Variants in DPP6 observed in about 807,000 individuals in gnomAD.
DPP6 encodes the protein A-type potassium channel modulatory protein DPP6.
A neutral mutation model predicts 122.6 loss-of-function variants in DPP6; 69 were observed. The observed-to-expected ratio is 0.56, with a 90% CI of 0.46 to 0.69. The LOEUF (loss-of-function observed/expected upper bound fraction) is 0.69. DPP6 is among the 30% of genes least tolerant of loss of function. The pLI is 0.00. For synonymous variants in DPP6, 418 were observed against 433.1 expected (o/e 0.97, Z 0.43); for missense variants, 928 against 1,116.9 (o/e 0.83, Z 2.41).
intron 16 of DPP6, among the ~76,000 whole-genome samples, chr7:154,829,154 A>T (rs1018109628): frequency 2.6e-5 from 4 of 151,954 alleles, no homozygotes; most frequent in African/African-American, 9.7e-5. Flanking sequence ...AGGCCGAGGC[A>T]GGTGGATCGC....
At chr7:154,201,253 G>A (rs1244687116) in intron 1 of DPP6, among the ~76,000 whole-genome samples, 17 of 151,994 alleles carry the variant, frequency 1.1e-4, no homozygotes, top group Non-Finnish European at 1.9e-4. Context: ...TCAGCCTGCC[G>A]AGTAGCTGGG....
intron 1 of DPP6, chr7:154,059,318 TC>T (rs1190622498): frequency 1.8e-4 from 29 of 159,496 alleles, no homozygotes; most frequent in Admixed American, 7.2e-4. Context: ...CAGACCCTCT[TC>T]CCCCCCTGGC....
intron 1 of DPP6, among the ~76,000 whole-genome samples, chr7:153,966,134 A>G (rs1347329128): frequency 4.1e-5 from 4 of 98,376 alleles, no homozygotes; most frequent in Admixed American, 1.2e-4. Context: ...GAATCATGAA[A>G]GCGACCCCTC....
At chr7:154,765,178 A>G (rs1484464566) in intron 8 of DPP6, among the ~76,000 whole-genome samples, 1 of 152,176 alleles carries the variant, frequency 6.6e-6, no homozygotes, top group Non-Finnish European at 1.5e-5. Flanking sequence ...CTATGTTGCA[A>G]ATGCCAGGAT....
rs1222725035 is a variant in DPP6 at position 154,060,111 on chromosome 7, G to A, written c.243+7048G>A. 6.4e-5 allele frequency among the ~76,000 whole-genome samples: 9 copies of A among 140,770 alleles called. 1 individual carries two copies. Among genetic ancestry groups the A allele is most frequent in the Admixed American group, 2.8e-4 (4 of 14,190 alleles). The allele number at this position is 140,770 out of a possible 152,430, so 92.4% of individuals were successfully genotyped here. A position where few individuals can be genotyped will look rare whatever the true frequency, so the allele number is the denominator to read the frequency against. ...TCGCAGGGGGGGAGGCAATCCTCCC[G>A]AGGCGGGACTGCAAACCTCCACCTT... On this transcript the variant is annotated intron_variant, in intron 1 of 25. Coordinates refer to ENST00000377770, the MANE Select transcript of DPP6 (RefSeq NM_130797.4).
intron 1 of DPP6, among the ~76,000 whole-genome samples, chr7:153,918,978 C>CA (rs386411718): frequency 0.33 from 29,118 of 89,270 alleles, 5,256 homozygotes; most frequent in Non-Finnish European, 0.34. Flanking sequence ...GACTCTGTCT[C>CA]AAAAAAAAAA....
intron 7 of DPP6, among the ~76,000 whole-genome samples, chr7:154,705,204 A>G (rs1840760585): frequency 6.6e-6 from 1 of 152,204 alleles, no homozygotes; most frequent in Admixed American, 6.5e-5. Context: ...TTTTTTAGTG[A>G]TAAAAGACAA....
chr7:154,889,642 G>T, intron 25 of DPP6, 112 bp downstream of exon 25: 1 of 1,496,296 alleles, frequency 6.7e-7, no homozygotes, highest in South Asian at 1.3e-5. Flanking sequence ...CCTGTGCTGT[G>T]GTGGTCGGTG....
intron 20 of DPP6, among the ~76,000 whole-genome samples, chr7:154,878,411 G>A (rs1025411514): frequency 2.6e-5 from 4 of 152,198 alleles, no homozygotes; most frequent in Admixed American, 2.6e-4. Context: ...TGTGGACAAC[G>A]GCAAAGCTTA....
chr7:153,966,053 G>T (rs39178), intron 1 of DPP6, among the ~76,000 whole-genome samples: 87,247 of 120,314 alleles, frequency 0.73, 32,140 homozygotes, highest in East Asian at 0.85. Context: ...GGAGAGACTT[G>T]GTAAAAGGAA....
At chr7:154,737,015 T>A (rs971830189) in intron 8 of DPP6, among the ~76,000 whole-genome samples, 48 of 152,220 alleles carry the variant, frequency 3.2e-4, no homozygotes, top group African/African-American at 1.1e-3. Flanking sequence ...AGGAAAAAAC[T>A]GGAGTGACGT....
At chr7:154,207,440 C>T (rs1563318063) in intron 1 of DPP6, among the ~76,000 whole-genome samples, 1 of 152,184 alleles carries the variant, frequency 6.6e-6, no homozygotes, top group African/African-American at 2.4e-5. Flanking sequence ...AATGTCTGTG[C>T]ACCTAAATCA....
intron 1 of DPP6, among the ~76,000 whole-genome samples, chr7:154,137,696 A>G (rs113677682): frequency 6.7e-6 from 1 of 148,538 alleles, no homozygotes; most frequent in Admixed American, 6.7e-5. Context: ...AAATTGGAAA[A>G]GGCCCAAGCC....
chr7:154,211,854 A>AG (rs1194073511), intron 1 of DPP6, among the ~76,000 whole-genome samples: 1 of 152,142 alleles, frequency 6.6e-6, no homozygotes, highest in Non-Finnish European at 1.5e-5. Context: ...CACACAGGGA[A>AG]GGGACAGCCT....
At chr7:154,729,369 A>G (rs1345684852) in intron 8 of DPP6, among the ~76,000 whole-genome samples, 3 of 152,184 alleles carry the variant, frequency 2.0e-5, no homozygotes, top group Non-Finnish European at 4.4e-5. Flanking sequence ...TTTATGCATC[A>G]TAAATTATAA....
intron 1 of DPP6, among the ~76,000 whole-genome samples, chr7:154,291,104 A>G (rs1007994442): frequency 1.3e-5 from 2 of 152,078 alleles, no homozygotes; most frequent in African/African-American, 4.8e-5. Flanking sequence ...TCCAAAAACA[A>G]TCCCATAAGA....
At chr7:154,177,844 A>C (rs531911510) in intron 1 of DPP6, among the ~76,000 whole-genome samples, 1 of 152,326 alleles carries the variant, frequency 6.6e-6, no homozygotes, top group South Asian at 2.1e-4. Flanking sequence ...ATGTGAAATT[A>C]AACGCTTCGT....
the DPP6 span, among the ~76,000 whole-genome samples, chr7:153,770,204 C>T: frequency 1.3e-5 from 2 of 152,046 alleles, no homozygotes; most frequent in Admixed American, 6.6e-5. Context: ...ACCCTCAGGC[C>T]GAGATGAATA....
the DPP6 span, among the ~76,000 whole-genome samples, chr7:153,766,153 G>T: frequency 2.0e-5 from 3 of 152,176 alleles, no homozygotes; most frequent in African/African-American, 7.2e-5. Flanking sequence ...CGTGAAAACG[G>T]TCTTAGTGGT....
Sources: gnomAD v4.1 joint callset for allele counts (sites outside exome capture counted in the v4.1 genomes callset) on GRCh38, gnomAD v4.1.1 for gene constraint, MANE v1.5 for transcripts, NCBI Gene and HGNC (gene_info 2026-07-23, HGNC 2026-07-21) for gene names.